Variants in SLC36A1 observed in about 807,000 individuals in gnomAD.
The protein encoded by SLC36A1 is solute carrier family 36 member 1.
A neutral mutation model predicts 47.5 loss-of-function variants in SLC36A1; 30 were observed. That is an observed-to-expected ratio of 0.63 (90% CI 0.47 to 0.86). The LOEUF is 0.86. SLC36A1 is among the 40% of genes least tolerant of loss of function. The pLI, the probability that SLC36A1 is intolerant of heterozygous loss-of-function variation, is 0.00. For missense variants in SLC36A1, 517 were observed against 606.0 expected (o/e 0.85, Z 1.54); for synonymous variants, 255 against 249.7 (o/e 1.02, Z -0.20).
the SLC36A1 span, among the ~76,000 whole-genome samples, chr5:151,418,514 G>A: frequency 1.3e-5 from 2 of 152,192 alleles, no homozygotes; most frequent in African/African-American, 4.8e-5. Flanking sequence ...TCATTTCAGA[G>A]CTTTAAGGTT....
the SLC36A1 span, chr5:151,543,436 C>A: frequency 6.2e-7 from 1 of 1,614,136 alleles, no homozygotes; most frequent in African/African-American, 1.3e-5. Flanking sequence ...GGCTACTCTT[C>A]CTCCTCCATC....
At chr5:151,365,204 G>A in the SLC36A1 span, among the ~76,000 whole-genome samples, 1 of 152,140 alleles carries the variant, frequency 6.6e-6, no homozygotes, top group Non-Finnish European at 1.5e-5. Flanking sequence ...CATTACTGGA[G>A]GTCCACTGTC....
chr5:151,419,272 A>G, the SLC36A1 span, among the ~76,000 whole-genome samples: 158 of 152,300 alleles, frequency 1.0e-3, 1 homozygote, highest in Admixed American at 8.0e-3. Context: ...CACAATTTTC[A>G]ACCCTATCAT....
At chr5:151,485,301 A>G (rs1313980197) in intron 10 of SLC36A1, among the ~76,000 whole-genome samples, 1 of 152,244 alleles carries the variant, frequency 6.6e-6, no homozygotes, top group Non-Finnish European at 1.5e-5. Flanking sequence ...GGAAAGATGA[A>G]GAACTGCCCC....
At chr5:151,544,176 A>G in the SLC36A1 span, 3 of 1,614,216 alleles carry the variant, frequency 1.9e-6, no homozygotes, top group Non-Finnish European at 2.5e-6. Flanking sequence ...ACTTGGAAAC[A>G]TCTGAGCCAT....
At chr5:151,372,628 T>C in the SLC36A1 span, among the ~76,000 whole-genome samples, 1 of 152,008 alleles carries the variant, frequency 6.6e-6, no homozygotes, top group Non-Finnish European at 1.5e-5. Flanking sequence ...TATATATATT[T>C]TTAGAGACGG....
At chr5:151,417,928 G>A in the SLC36A1 span, among the ~76,000 whole-genome samples, 1 of 152,220 alleles carries the variant, frequency 6.6e-6, no homozygotes, top group Non-Finnish European at 1.5e-5. Flanking sequence ...TGGTTTTGTG[G>A]GCCAGGCCTA....
At chr5:151,382,483 C>T in the SLC36A1 span, 1 of 542,248 alleles carries the variant, frequency 1.8e-6, no homozygotes, top group Non-Finnish European at 3.3e-6. Context: ...GGGTTAAATG[C>T]ATTTTTCCCA....
chr5:151,487,716 T>C (rs1038234180), intron 10 of SLC36A1, among the ~76,000 whole-genome samples: 5 of 152,144 alleles, frequency 3.3e-5, no homozygotes, highest in African/African-American at 9.7e-5. Flanking sequence ...ATGGAAGTCA[T>C]GTGCTGTAGC....
At chr5:151,382,755 AC>A in the SLC36A1 span, among the ~76,000 whole-genome samples, 1 of 152,346 alleles carries the variant, frequency 6.6e-6, no homozygotes, top group Admixed American at 6.5e-5. Context: ...GTGAGTGACA[AC>A]ATGAGTGAGT....
chr5:151,455,076 A>C (rs1406824731), intron 1 of SLC36A1, among the ~76,000 whole-genome samples: 1 of 152,010 alleles, frequency 6.6e-6, no homozygotes, highest in Non-Finnish European at 1.5e-5. Context: ...AAGAGAACAC[A>C]TTATCTGGCA....
chr5:151,437,737 A>G (rs1759856497), intron 1 of SLC36A1, among the ~76,000 whole-genome samples: 1 of 152,210 alleles, frequency 6.6e-6, no homozygotes, highest in African/African-American at 2.4e-5. Context: ...TATAAATAAT[A>G]TTCATTTCCT....
chr5:151,357,424 A>G, the SLC36A1 span, among the ~76,000 whole-genome samples: 1 of 152,242 alleles, frequency 6.6e-6, no homozygotes, highest in African/African-American at 2.4e-5. Flanking sequence ...TTTGGAGAGT[A>G]GGAGATTTTG....
At chr5:151,420,745 C>T in the SLC36A1 span, among the ~76,000 whole-genome samples, 4 of 152,168 alleles carry the variant, frequency 2.6e-5, no homozygotes, top group Non-Finnish European at 5.9e-5. Flanking sequence ...ATGTAGTTCT[C>T]CTCACCACTT....
the SLC36A1 span, chr5:151,546,152 T>G: frequency 2.5e-6 from 4 of 1,614,096 alleles, no homozygotes; most frequent in Non-Finnish European, 3.4e-6. Context: ...TTTGAAAAGA[T>G]GGGGGCACTC....
At chr5:151,384,127 A>C in the SLC36A1 span, among the ~76,000 whole-genome samples, 1 of 152,210 alleles carries the variant, frequency 6.6e-6, no homozygotes, top group East Asian at 1.9e-4. Flanking sequence ...TCCAAAAAAA[A>C]AATCTCCTAG....
chr5:151,360,362 A>G, the SLC36A1 span, among the ~76,000 whole-genome samples: 1 of 152,236 alleles, frequency 6.6e-6, no homozygotes, highest in African/African-American at 2.4e-5. Flanking sequence ...AGTGAGCTAG[A>G]AAAAAGAAAA....
At chr5:151,544,213 C>T in the SLC36A1 span, 9 of 1,614,076 alleles carry the variant, frequency 5.6e-6, no homozygotes, top group Admixed American at 6.7e-5. Flanking sequence ...AGAGACGTCA[C>T]GGTTCCGCCC....
At chr5:151,462,656 C>A (rs999619646) in intron 2 of SLC36A1, among the ~76,000 whole-genome samples, 1 of 151,890 alleles carries the variant, frequency 6.6e-6, no homozygotes, top group African/African-American at 2.4e-5. Flanking sequence ...AGCCACTGCA[C>A]CTGGCCTGAC....
Sources: gnomAD v4.1 joint callset for allele counts (sites outside exome capture counted in the v4.1 genomes callset) on GRCh38, gnomAD v4.1.1 for gene constraint, MANE v1.5 for transcripts, NCBI Gene and HGNC (gene_info 2026-07-23, HGNC 2026-07-21) for gene names.